THBS4: variants seen among roughly 807,000 people sequenced by gnomAD.
THBS4 encodes the protein thrombospondin-4.
THBS4 carries 90 observed loss-of-function variants against 115.7 expected under a neutral mutation model. The observed-to-expected ratio is 0.78, with a 90% confidence interval of 0.66 to 0.93. THBS4 has a LOEUF of 0.93. THBS4 is among the 40% of genes least tolerant of loss of function. The pLI is 0.00. For missense variants in THBS4, 1,087 were observed against 1,232.7 expected (o/e 0.88, Z 1.77); for synonymous variants, 460 against 479.3 (o/e 0.96, Z 0.53).
In THBS4 at chr5:80,058,323, TC is replaced by T; in HGVS notation, c.649+10del. On this transcript the variant is annotated intron_variant, in intron 4 of 21. Transcript: ENST00000350881. Reference sequence around the variant, plus strand: ...GGCTGCCACAGGCACAGGTGTGGGCTCTTGGGCAGTTTGCATGCCTTCATCA... The same window carrying T: ...GGCTGCCACAGGCACAGGTGTGGGCTTTGGGCAGTTTGCATGCCTTCATCA... The T allele has an allele frequency of 6.4e-7, 1 of 1,550,800 alleles. No homozygotes were observed.
intron 7 of THBS4, among the ~76,000 whole-genome samples, chr5:80,061,159 T>TA (rs1003273173): frequency 3.9e-4 from 59 of 151,842 alleles, no homozygotes; most frequent in African/African-American, 1.2e-3. Flanking sequence ...TGAAGTGGTT[T>TA]AAAAAAAACA....
At chr5:80,070,882 C>T (rs1834021889) in intron 12 of THBS4, 132 bp downstream of exon 12, 3 of 1,568,440 alleles carry the variant, frequency 1.9e-6, no homozygotes, top group South Asian at 2.3e-5. Context: ...AGCACTGCAG[C>T]TTTTTACCCT....
chr5:80,045,810 C>T (rs144125826), intron 2 of THBS4, among the ~76,000 whole-genome samples: 1,888 of 152,214 alleles, frequency 0.012, 43 homozygotes, highest in African/African-American at 0.043. Context: ...GGATTACAGC[C>T]GTGAGCAACC....
intron 2 of THBS4, among the ~76,000 whole-genome samples, chr5:80,003,147 A>G (rs1222955199): frequency 1.3e-5 from 2 of 152,244 alleles, no homozygotes; most frequent in Middle Eastern, 3.4e-3. Flanking sequence ...TAAGAGAGGG[A>G]TATAGGAGAG....
intron 2 of THBS4, among the ~76,000 whole-genome samples, chr5:80,001,547 A>C (rs1831898712): frequency 6.6e-6 from 1 of 152,202 alleles, no homozygotes; most frequent in Non-Finnish European, 1.5e-5. Context: ...TTATGAGGTT[A>C]TAGAAGAGGA....
rs1392949241 is a variant in THBS4 at position 80,072,407 on chromosome 5, T to TACTA, written c.1839+14_1839+15insAACT. ...AGCAACCCTAACCAGGTTAGTAGGATACTGGGGAATTCAAACTCCAGGCTG... is the reference window on the plus strand; with the variant it reads ...AGCAACCCTAACCAGGTTAGTAGGATACTAACTGGGGAATTCAAACTCCAGGCTG... On this transcript the variant is annotated intron_variant, in intron 14 of 21. Coordinates refer to ENST00000350881, the MANE Select transcript of THBS4 (RefSeq NM_003248.6). 6.2e-7 allele frequency: 1 copy of TACTA among 1,607,140 alleles called. No individual in the cohort carries two copies.
intron 9 of THBS4, 104 bp downstream of exon 9, chr5:80,065,581 TAA>T: frequency 1.6e-6 from 1 of 634,848 alleles, no homozygotes; most frequent in Non-Finnish European, 2.1e-6. Flanking sequence ...CATGTGGGCA[TAA>T]TATATTTGAT....
intron 1 of THBS4, among the ~76,000 whole-genome samples, chr5:79,995,417 A>C (rs1831771970): frequency 6.6e-6 from 1 of 152,178 alleles, no homozygotes; most frequent in Non-Finnish European, 1.5e-5. Flanking sequence ...GTGGCAAGGG[A>C]TTACTGGAGA....
At chr5:80,041,146 T>C (rs2112034558) in intron 2 of THBS4, among the ~76,000 whole-genome samples, 1 of 152,312 alleles carries the variant, frequency 6.6e-6, no homozygotes, top group East Asian at 1.9e-4. Flanking sequence ...ATCCAAACCA[T>C]ACCACCCGCA....
intron 19 of THBS4, 40 bp from the exon 20 acceptor site, chr5:80,079,865 C>T (rs1743400133): frequency 3.7e-6 from 6 of 1,600,168 alleles, no homozygotes; most frequent in Non-Finnish European, 5.1e-6. Context: ...AGGGTGGTGC[C>T]TGTGTCCTGT....
At chr5:80,038,444 T>TA (rs1832786806) in intron 1 of THBS4, among the ~76,000 whole-genome samples, 1 of 152,186 alleles carries the variant, frequency 6.6e-6, no homozygotes. Context: ...GCCAGGGTTG[T>TA]AATATAGAAC....
chr5:80,033,160 G>A (rs142262022), upstream of THBS4: 2 of 407,732 alleles, frequency 4.9e-6, no homozygotes, highest in East Asian at 7.2e-5. Flanking sequence ...ACTGGCACCT[G>A]GCATGATCAA....
chr5:80,028,303 A>C (rs537250232), intron 2 of THBS4, among the ~76,000 whole-genome samples: 1 of 152,104 alleles, frequency 6.6e-6, no homozygotes, highest in Non-Finnish European at 1.5e-5. Flanking sequence ...TCTTTCACCC[A>C]CATTACTCCA....
intron 2 of THBS4, among the ~76,000 whole-genome samples, chr5:80,001,015 T>C (rs969869148): frequency 4.6e-5 from 7 of 152,320 alleles, no homozygotes; most frequent in African/African-American, 1.7e-4. Flanking sequence ...AGATAACTTG[T>C]ACCTATGGAC....
intron 14 of THBS4, 94 bp from the exon 15 acceptor site, chr5:80,073,181 C>T (rs1742984640): frequency 8.3e-6 from 11 of 1,327,268 alleles, no homozygotes; most frequent in Non-Finnish European, 1.2e-5. Context: ...AAATAATTCC[C>T]CAAATCCAAT....
intron 1 of THBS4, among the ~76,000 whole-genome samples, chr5:79,997,030 G>T (rs955314833): frequency 5.0e-5 from 7 of 138,808 alleles, no homozygotes; most frequent in South Asian, 2.4e-4. Flanking sequence ...AATCAAAATA[G>T]TTTTTTTTTT....
At chr5:80,082,356 T>G in intron 20 of THBS4, 50 bp from the exon 21 acceptor site, 1 of 1,606,556 alleles carries the variant, frequency 6.2e-7, no homozygotes, top group Non-Finnish European at 8.5e-7. Flanking sequence ...AGTGGGCACT[T>G]TACCCCGGGT....
At position 80,058,765 on chromosome 5, in the gene THBS4, A is replaced by T; in HGVS notation, c.707A>T (p.Glu236Val). The T allele has an allele frequency of 6.2e-7, 1 of 1,613,974 alleles. No individual in the cohort carries two copies. The highest frequency in any genetic ancestry group is 1.1e-5 in the South Asian group (1 of 91,050). The change falls in exon 5 of 22, where the codon GAG becomes GTG. Residue 236 changes from glutamate to valine, a missense_variant. Physicochemically the swap from Glu to Val is moderately radical, Grantham distance 121. Around this residue, in one of 3 missense-constraint regions of THBS4, gnomAD observed 979 missense variants for 1,103.7 expected, o/e 0.89. Coordinates refer to ENST00000350881, the MANE Select transcript of THBS4 (RefSeq NM_003248.6). ...ACACAATTAAACCAACTCCTGGGAG[A>T]GGTGAAGGACCTTCTGAGACAGCAG... ...QMTQLNQLLG[E>V]VKDLLRQQVK...
intron 21 of THBS4, 74 bp downstream of exon 21, chr5:80,082,619 G>GCACTT: frequency 6.4e-7 from 1 of 1,562,344 alleles, no homozygotes; most frequent in South Asian, 1.2e-5. Flanking sequence ...TTTTTATACC[G>GCACTT]CACTTCCCCC....
Sources: allele counts gnomAD v4.1 joint callset (sites outside exome capture counted in the v4.1 genomes callset), GRCh38; gene constraint gnomAD v4.1.1; regional missense constraint gnomAD v4.1.1; transcripts MANE v1.5; gene names NCBI Gene and HGNC (gene_info 2026-07-23, HGNC 2026-07-21).